KHDRBS2: variants seen among roughly 807,000 people sequenced by gnomAD.
The protein encoded by KHDRBS2 is KH domain-containing, RNA-binding, signal transduction-associated protein 2.
A neutral mutation model predicts 44.3 loss-of-function variants in KHDRBS2; 26 were observed. The ratio of observed to expected loss-of-function variants is 0.59; its 90% CI spans 0.43 to 0.81. KHDRBS2 has a LOEUF of 0.81. Ranked by LOEUF, KHDRBS2 falls within the 40% of genes least tolerant of loss-of-function variation. The pLI is 0.00. For synonymous variants in KHDRBS2, 194 were observed against 151.1 expected (o/e 1.28, Z -2.08); for missense variants, 476 against 433.1 (o/e 1.10, Z -0.88).
At position 61,759,460 on chromosome 6, in the gene KHDRBS2, A is replaced by G. The variant is rs565200795; in HGVS notation, c.811-26696T>C. Among the ~76,000 whole-genome samples, 10 of 152,304 alleles carry G rather than the reference A, an allele frequency of 6.6e-5. No homozygotes were observed. In the South Asian group the frequency reaches 1.2e-3, roughly 19 times the overall value. On this transcript the variant is annotated intron_variant, in intron 6 of 8. Coordinates refer to ENST00000281156, the MANE Select transcript of KHDRBS2 (RefSeq NM_152688.4). Reference sequence around the variant, plus strand: ...AGTAATTTAAACTTTATTACATCTCATAATTTAAAACATTATGAAGATACT... The same window carrying G: ...AGTAATTTAAACTTTATTACATCTCGTAATTTAAAACATTATGAAGATACT...
At chr6:61,947,306 C>G (rs1562494660) in intron 4 of KHDRBS2, among the ~76,000 whole-genome samples, 1 of 152,084 alleles carries the variant, frequency 6.6e-6, no homozygotes, top group South Asian at 2.1e-4. Flanking sequence ...AAAGACTGCA[C>G]AAGATGATCC....
At chr6:61,581,518 A>C in the KHDRBS2 span, among the ~76,000 whole-genome samples, 44 of 148,804 alleles carry the variant, frequency 3.0e-4, no homozygotes, top group Admixed American at 1.3e-3. Flanking sequence ...TAATGTATAT[A>C]TAATATAGAT....
chr6:61,909,100 T>G (rs531334715), intron 4 of KHDRBS2, among the ~76,000 whole-genome samples: 1 of 151,866 alleles, frequency 6.6e-6, no homozygotes, highest in East Asian at 1.9e-4. Flanking sequence ...GGGGTCTCTC[T>G]CTGTTGCCCA....
chr6:61,971,975 C>G (rs544230440), intron 4 of KHDRBS2, among the ~76,000 whole-genome samples: 63 of 152,104 alleles, frequency 4.1e-4, no homozygotes, highest in African/African-American at 1.4e-3. Context: ...TATTTGGTGT[C>G]CAGAAATATT....
rs151128761 is a variant in KHDRBS2 at position 61,819,955 on chromosome 6, A to G, written c.810+74680T>C. Among the ~76,000 whole-genome samples, 373 of 152,182 alleles carry G rather than the reference A, an allele frequency of 2.5e-3. 8 individuals carry two copies. The highest frequency in any genetic ancestry group is 0.018 in the East Asian group (94 of 5,170). On this transcript the variant is annotated intron_variant, in intron 6 of 8. Coordinates refer to ENST00000281156, the MANE Select transcript of KHDRBS2 (RefSeq NM_152688.4). The stretch of plus-strand genomic sequence containing the variant: ...GTTCTCAACAATAAAAAGCATTGTC[A>G]AACACCCTGTGAAGTGTGTAGCATT...
At chr6:61,545,730 C>T in the KHDRBS2 span, among the ~76,000 whole-genome samples, 1 of 151,916 alleles carries the variant, frequency 6.6e-6, no homozygotes, top group Non-Finnish European at 1.5e-5. Flanking sequence ...GCTCTATTTC[C>T]AGAGTGAGTG....
intron 4 of KHDRBS2, among the ~76,000 whole-genome samples, chr6:61,972,972 C>A (rs114915775): frequency 1.1e-4 from 16 of 152,182 alleles, no homozygotes; most frequent in South Asian, 2.1e-4. Flanking sequence ...ATGGCAAAAG[C>A]CCATCTCTAC....
chr6:62,236,540 AAGTATTT>A (rs1490895888), intron 1 of KHDRBS2, among the ~76,000 whole-genome samples: 1 of 152,048 alleles, frequency 6.6e-6, no homozygotes, highest in African/African-American at 2.4e-5. Flanking sequence ...CTTCACCAAC[AAGTATTT>A]AAAAGGATAA....
intron 7 of KHDRBS2, among the ~76,000 whole-genome samples, chr6:61,724,093 G>T (rs778564624): frequency 6.6e-6 from 1 of 152,124 alleles, no homozygotes; most frequent in Non-Finnish European, 1.5e-5. Context: ...GCAAAGCAAA[G>T]CCTATCAGAC....
chr6:62,091,658 A>G (rs1799514667), intron 2 of KHDRBS2, among the ~76,000 whole-genome samples: 1 of 152,116 alleles, frequency 6.6e-6, no homozygotes, highest in African/African-American at 2.4e-5. Flanking sequence ...CACTTTTTCA[A>G]ATTTTCACTT....
chr6:61,551,945 T>G, the KHDRBS2 span, among the ~76,000 whole-genome samples: 1 of 152,170 alleles, frequency 6.6e-6, no homozygotes, highest in Non-Finnish European at 1.5e-5. Context: ...ATTTTTGATT[T>G]GGCTCCCAAC....
At chr6:62,109,320 T>C (rs1804442429) in intron 2 of KHDRBS2, among the ~76,000 whole-genome samples, 1 of 151,952 alleles carries the variant, frequency 6.6e-6, no homozygotes, top group African/African-American at 2.4e-5. Flanking sequence ...AAAAGTACTT[T>C]CCAATCTAGA....
chr6:62,216,994 T>A (rs1191027236), intron 1 of KHDRBS2, among the ~76,000 whole-genome samples: 3 of 147,364 alleles, frequency 2.0e-5, no homozygotes, highest in African/African-American at 7.5e-5. Flanking sequence ...GGCCTGAGAG[T>A]CTTTATATCT....
chr6:61,660,466 A>G, the KHDRBS2 span, among the ~76,000 whole-genome samples: 2 of 151,938 alleles, frequency 1.3e-5, no homozygotes, highest in South Asian at 2.1e-4. Flanking sequence ...CCTGAAATAT[A>G]TCTTACACAA....
intron 4 of KHDRBS2, among the ~76,000 whole-genome samples, chr6:61,925,135 A>G (rs1808720600): frequency 6.6e-6 from 1 of 152,152 alleles, no homozygotes; most frequent in Non-Finnish European, 1.5e-5. Context: ...AGCTTGCTAG[A>G]AGAGTGATCA....
At chr6:62,093,318 T>C (rs1799833169) in intron 2 of KHDRBS2, among the ~76,000 whole-genome samples, 1 of 151,938 alleles carries the variant, frequency 6.6e-6, no homozygotes, top group Non-Finnish European at 1.5e-5. Context: ...TTCAACTTAA[T>C]GTTTCAGGCA....
At chr6:61,940,415 G>A (rs963120204) in intron 4 of KHDRBS2, among the ~76,000 whole-genome samples, 10 of 151,932 alleles carry the variant, frequency 6.6e-5, no homozygotes, top group African/African-American at 9.7e-5. Context: ...CTCAATCCTC[G>A]CCGGCCCTAC....
At chr6:61,665,030 A>T in the KHDRBS2 span, among the ~76,000 whole-genome samples, 1 of 151,566 alleles carries the variant, frequency 6.6e-6, no homozygotes, top group Admixed American at 6.6e-5. Context: ...TTGTTAGCTA[A>T]TATAATTCAT....
intron 3 of KHDRBS2, among the ~76,000 whole-genome samples, chr6:62,010,312 T>C (rs528756446): frequency 2.6e-5 from 4 of 152,096 alleles, no homozygotes; most frequent in African/African-American, 7.2e-5. Flanking sequence ...GAATGCCTGC[T>C]CCCCCATTGT....
Sources: allele counts gnomAD v4.1 joint callset (sites outside exome capture counted in the v4.1 genomes callset), GRCh38; gene constraint gnomAD v4.1.1; transcripts MANE v1.5; gene names NCBI Gene and HGNC (gene_info 2026-07-23, HGNC 2026-07-21).